Variants in KCNN2 observed in about 807,000 individuals in gnomAD.
KCNN2 encodes small conductance calcium-activated potassium channel protein 2.
Under a neutral mutation model 55.5 loss-of-function variants are expected in KCNN2, and 24 were observed. The ratio of observed to expected loss-of-function variants is 0.43; its 90% CI spans 0.31 to 0.61. The LOEUF (loss-of-function observed/expected upper bound fraction) is 0.61. Ranked by LOEUF, KCNN2 falls within the 20% of genes least tolerant of loss-of-function variation. The pLI is 0.08. For missense variants in KCNN2, 754 were observed against 853.6 expected, an observed-to-expected ratio of 0.88 and a Z score of 1.45; for synonymous variants, 431 against 336.1, an observed-to-expected ratio of 1.28 and a Z score of -3.09.
At chr5:114,142,528 A>T (rs1295838519) in intron 1 of KCNN2, among the ~76,000 whole-genome samples, 2 of 152,184 alleles carry the variant, frequency 1.3e-5, no homozygotes, top group African/African-American at 4.8e-5. Flanking sequence ...AAATCTCAGG[A>T]TACAAAATCA....
intron 3 of KCNN2, 88 bp from the exon 4 acceptor site, chr5:114,462,961 A>G (rs1761275676): frequency 8.0e-7 from 1 of 1,244,198 alleles, no homozygotes. Context: ...TAGAAGATAC[A>G]GTAAATTCGT....
intron 3 of KCNN2, among the ~76,000 whole-genome samples, chr5:114,452,604 C>CT (rs1265117133): frequency 6.6e-6 from 1 of 152,186 alleles, no homozygotes; most frequent in African/African-American, 2.4e-5. Context: ...CTAGATAGCA[C>CT]ATTAAAATCA....
chr5:114,114,704 C>T (rs1751677007), intron 1 of KCNN2, among the ~76,000 whole-genome samples: 1 of 152,150 alleles, frequency 6.6e-6, no homozygotes, highest in Non-Finnish European at 1.5e-5. Flanking sequence ...TGTTTTCACT[C>T]ATCACCTCAT....
At chr5:114,088,463 C>G (rs956337653) in intron 1 of KCNN2, among the ~76,000 whole-genome samples, 2 of 151,958 alleles carry the variant, frequency 1.3e-5, no homozygotes, top group African/African-American at 4.8e-5. Context: ...TTAGAAATCA[C>G]TGAAGCTCTG....
chr5:114,144,387 C>A (rs192461282), intron 1 of KCNN2, among the ~76,000 whole-genome samples: 18 of 152,060 alleles, frequency 1.2e-4, no homozygotes, highest in Non-Finnish European at 2.1e-4. Flanking sequence ...ACAAAATGGG[C>A]AGTTTGAATT....
chr5:114,206,678 C>G (rs1336623232), intron 1 of KCNN2, among the ~76,000 whole-genome samples: 1 of 152,060 alleles, frequency 6.6e-6, no homozygotes, highest in African/African-American at 2.4e-5. Context: ...TCCCCTGACT[C>G]CAGTTCATCA....
At chr5:114,244,284 G>C (rs1465147967) in intron 2 of KCNN2, among the ~76,000 whole-genome samples, 2 of 151,788 alleles carry the variant, frequency 1.3e-5, no homozygotes, top group African/African-American at 4.8e-5. Context: ...GGACCTAAGA[G>C]CAAGATGGAA....
At chr5:114,333,032 A>C (rs1756852637) in intron 2 of KCNN2, among the ~76,000 whole-genome samples, 3 of 152,296 alleles carry the variant, frequency 2.0e-5, no homozygotes, top group South Asian at 2.1e-4. Flanking sequence ...ACCTTAGTAG[A>C]TGCATTTTTA....
chr5:114,415,199 A>G (rs762593216), intron 3 of KCNN2, among the ~76,000 whole-genome samples: 1 of 152,162 alleles, frequency 6.6e-6, no homozygotes, highest in East Asian at 1.9e-4. Flanking sequence ...ATATGCCACA[A>G]TTTGGTCACT....
intron 1 of KCNN2, among the ~76,000 whole-genome samples, chr5:114,058,362 C>T (rs1750254299): frequency 1.3e-5 from 2 of 152,114 alleles, no homozygotes. Flanking sequence ...GGAGGAGAAA[C>T]AGAGGCACCA....
chr5:114,467,065 G>A (rs1160594543), intron 4 of KCNN2, among the ~76,000 whole-genome samples: 1 of 152,084 alleles, frequency 6.6e-6, no homozygotes, highest in African/African-American at 2.4e-5. Flanking sequence ...TCCTTTCCAC[G>A]TTAAATTTGC....
At chr5:114,268,437 A>G (rs894768423) in intron 2 of KCNN2, among the ~76,000 whole-genome samples, 4 of 152,222 alleles carry the variant, frequency 2.6e-5, no homozygotes, top group African/African-American at 9.6e-5. Flanking sequence ...CGTGTCTCTC[A>G]TGTTCTGCCT....
At chr5:114,360,228 A>G (rs1390530088), upstream of KCNN2, among the ~76,000 whole-genome samples, 1 of 152,184 alleles carries the variant, frequency 6.6e-6, no homozygotes, top group Non-Finnish European at 1.5e-5. Context: ...GCACACACAA[A>G]AAATTAAAAT....
chr5:114,471,208 CCACTTCCTG>C (rs1761718539), intron 4 of KCNN2, among the ~76,000 whole-genome samples: 1 of 152,042 alleles, frequency 6.6e-6, no homozygotes, highest in African/African-American at 2.4e-5. Flanking sequence ...TTCCAGAACC[CCACTTCCTG>C]CCATGAATAC....
intron 1 of KCNN2, among the ~76,000 whole-genome samples, chr5:114,119,587 T>A (rs1751785802): frequency 6.6e-6 from 1 of 152,144 alleles, no homozygotes; most frequent in Admixed American, 6.5e-5. Context: ...CTCTCCTCTA[T>A]ACCCTGAACA....
intron 1 of KCNN2, among the ~76,000 whole-genome samples, chr5:114,073,590 C>T (rs906541167): frequency 2.0e-5 from 3 of 152,166 alleles, no homozygotes; most frequent in African/African-American, 4.8e-5. Context: ...CTTACCTCCT[C>T]CTCTCCTCAT....
chr5:114,363,182 A>C lies in KCNN2; in HGVS notation c.1043A>C (p.Asp348Ala). 1 of 1,613,476 alleles carries C rather than the reference A, an allele frequency of 6.2e-7. No individual in the cohort carries two copies. Among genetic ancestry groups the C allele is most frequent in the Non-Finnish European group, 8.5e-7 (1 of 1,180,026 alleles). Residue 348 changes from aspartate to alanine, a missense_variant, in exon 1 of 8, where the codon GAC becomes GCC. By Grantham distance (126) the Asp-to-Ala change is moderately radical (BLOSUM62 -2). This residue lies in a region of KCNN2 where 123 missense variants were observed against 204.9 expected (regional missense o/e 0.60). Coordinates refer to ENST00000673685, the MANE Select transcript of KCNN2 (RefSeq NM_021614.4). ...TTCGAAAAGCGCAAGCGGCTCAGCG[A>C]CTACGCGCTCATCTTCGGCATGTTC... ...ALFEKRKRLSDYALIFGMFGI... is the reference protein window; with the variant it reads ...ALFEKRKRLSAYALIFGMFGI...
Position 114,355,608 on chromosome 5 carries a change from C to T in KCNN2, c.-184-5337C>T, listed in dbSNP as rs544729350. 2.2e-4 allele frequency among the ~76,000 whole-genome samples: 33 copies of T among 152,296 alleles called. No individual in the cohort carries two copies. In the South Asian group the frequency reaches 6.4e-3, roughly 30 times the overall value. On this transcript the variant is annotated intron_variant, in intron 2 of 10. Coordinates refer to the KCNN2 transcript ENST00000512097. ...CCTGGCTTCCTTTCTCCGGTTCTCTCACTCTTTGGCATAAAAGGAGAAGCA... is the reference window on the plus strand; with the variant it reads ...CCTGGCTTCCTTTCTCCGGTTCTCTTACTCTTTGGCATAAAAGGAGAAGCA...
At chr5:114,318,411 C>T (rs1756545462) in intron 2 of KCNN2, among the ~76,000 whole-genome samples, 1 of 151,990 alleles carries the variant, frequency 6.6e-6, no homozygotes, top group African/African-American at 2.4e-5. Flanking sequence ...TGGCCACTTA[C>T]ATACGTATTA....
Sources: allele counts gnomAD v4.1 joint callset (sites outside exome capture counted in the v4.1 genomes callset), GRCh38; gene constraint gnomAD v4.1.1; regional missense constraint gnomAD v4.1.1; transcripts MANE v1.5; gene names NCBI Gene and HGNC (gene_info 2026-07-23, HGNC 2026-07-21).